The following PUDP variants were observed in gnomAD, a reference collection of about 807,000 sequenced individuals.
The protein encoded by PUDP is pseudouridine 5'-phosphatase.
PUDP carries 8 observed loss-of-function variants against 9.4 expected under a neutral mutation model. The ratio of observed to expected loss-of-function variants is 0.85; its 90% CI spans 0.50 to 1.53. The LOEUF (loss-of-function observed/expected upper bound fraction) is 1.53, where lower values mean the gene tolerates loss of function less well. Among genes scored for constraint, PUDP ranks in the 40% most tolerant of loss-of-function variants. The pLI, the probability that PUDP is intolerant of heterozygous loss-of-function variation, is 0.00. For synonymous variants in PUDP, 99 were observed against 80.7 expected (o/e 1.23, Z -1.22); for missense variants, 188 against 189.7 (o/e 0.99, Z 0.05).
intron 3 of PUDP, among the ~76,000 whole-genome samples, chrX:6,793,076 A>G (rs1925777836): frequency 8.9e-6 from 1 of 112,512 alleles, no homozygotes; most frequent in African/African-American, 3.2e-5. Flanking sequence ...GGAGGCTGGA[A>G]GACCAAGATT....
rs147951831 is a variant in PUDP at position 6,845,818 on chromosome X, T to C, written c.*247+131315A>G. The stretch of plus-strand genomic sequence containing the variant: ...GATATGAAAACTACGAGAAATACTA[T>C]AGAAGGGAGGGTTGCATTGTGAGGA... On this transcript the variant is annotated intron_variant and NMD_transcript_variant, in intron 3 of 3. Transcript: ENST00000655425. Among the ~76,000 whole-genome samples, 453 of 112,162 alleles carry C rather than the reference T, an allele frequency of 4.0e-3. 3 individuals are homozygous for C. The highest frequency in any genetic ancestry group is 0.014 in the African/African-American group (421 of 30,923).
rs189373330 is a variant in PUDP, at chrX:6,788,344, T to C, written c.*248-81878A>G. Among the ~76,000 whole-genome samples the C allele has an allele frequency of 3.6e-5, 4 of 112,124 alleles. No individual in the cohort carries two copies. In the East Asian group the frequency reaches 8.4e-4, roughly 24 times the overall value. ...GCTGAGCAATGTTTGGTAGGTTAGATGGATCCAATGCAGTCTCGACTCATG... is the reference window on the plus strand; with the variant it reads ...GCTGAGCAATGTTTGGTAGGTTAGACGGATCCAATGCAGTCTCGACTCATG... On this transcript the variant is annotated intron_variant and NMD_transcript_variant, in intron 3 of 3. Transcript: ENST00000655425.
At chrX:6,981,308 C>T (rs1929029248) in intron 1 of PUDP, among the ~76,000 whole-genome samples, 1 of 111,580 alleles carries the variant, frequency 9.0e-6, no homozygotes, top group African/African-American at 3.3e-5. Context: ...CTATGTTGTA[C>T]ATGTTTCTGT....
intron 1 of PUDP, among the ~76,000 whole-genome samples, chrX:6,979,053 A>G (rs1928995642): frequency 1.0e-5 from 1 of 96,261 alleles, no homozygotes; most frequent in African/African-American, 3.3e-5. Flanking sequence ...TTGTTTCTCG[A>G]TTAAAATTAT....
intron 3 of PUDP, among the ~76,000 whole-genome samples, chrX:6,839,922 A>C (rs1477387093): frequency 9.0e-6 from 1 of 110,869 alleles, no homozygotes; most frequent in Non-Finnish European, 1.9e-5. Flanking sequence ...ACACAAAAAA[A>C]CTGCACCTAG....
intron 1 of PUDP, among the ~76,000 whole-genome samples, chrX:6,983,862 A>AC (rs1345016261): frequency 8.9e-6 from 1 of 112,490 alleles, no homozygotes; most frequent in Non-Finnish European, 1.9e-5. Context: ...CATAGGGCGT[A>AC]CCCCAAGTAA....
intron 1 of PUDP, among the ~76,000 whole-genome samples, chrX:6,991,763 AACTT>A (rs1929182306): frequency 9.0e-6 from 1 of 110,937 alleles, no homozygotes; most frequent in Non-Finnish European, 1.9e-5. Context: ...TTTGTTTGAT[AACTT>A]AAAGAGAATC....
chrX:6,847,504 C>A (rs930560258), intron 3 of PUDP, among the ~76,000 whole-genome samples: 1 of 112,181 alleles, frequency 8.9e-6, no homozygotes, highest in Non-Finnish European at 1.9e-5. Context: ...TGAGCCAACA[C>A]AATCTTACTT....
intron 1 of PUDP, among the ~76,000 whole-genome samples, chrX:6,983,602 T>C (rs1202546954): frequency 8.9e-6 from 1 of 112,036 alleles, no homozygotes; most frequent in African/African-American, 3.2e-5. Flanking sequence ...TTTCATTTGT[T>C]TTACAAGAAC....
chrX:6,958,529 T>C (rs1210836949), intron 3 of PUDP, among the ~76,000 whole-genome samples: 1 of 111,155 alleles, frequency 9.0e-6, no homozygotes, highest in African/African-American at 3.3e-5. Flanking sequence ...AAGAGGAACC[T>C]CTACTTTACT....
intron 2 of PUDP, among the ~76,000 whole-genome samples, chrX:7,092,165 A>G (rs1022472273): frequency 8.9e-5 from 10 of 112,979 alleles, no homozygotes; most frequent in Non-Finnish European, 1.9e-4. Context: ...CATAATGCAA[A>G]TAAGAACAAC....
At chrX:6,953,061 TA>T (rs1388078720) in intron 3 of PUDP, among the ~76,000 whole-genome samples, 1 of 111,705 alleles carries the variant, frequency 9.0e-6, no homozygotes, top group Non-Finnish European at 1.9e-5. Context: ...CATATCATAT[TA>T]GGGGTTCACA....
downstream of PUDP, among the ~76,000 whole-genome samples, chrX:7,046,982 A>G (rs1929990657): frequency 8.9e-6 from 1 of 112,112 alleles, no homozygotes; most frequent in Non-Finnish European, 1.9e-5. Flanking sequence ...AGAATATCCA[A>G]TGCTTTAATA....
At chrX:6,931,495 A>G (rs1033362639) in intron 3 of PUDP, among the ~76,000 whole-genome samples, 1 of 112,058 alleles carries the variant, frequency 8.9e-6, no homozygotes, top group Non-Finnish European at 1.9e-5. Flanking sequence ...ATTTAAAAGC[A>G]AAAGCGTCTA....
intron 3 of PUDP, among the ~76,000 whole-genome samples, chrX:6,837,456 C>A (rs1926600013): frequency 8.9e-6 from 1 of 112,911 alleles, no homozygotes; most frequent in Non-Finnish European, 1.9e-5. Context: ...CTTGGGAAAT[C>A]TCAGAGAATG....
intron 1 of PUDP, among the ~76,000 whole-genome samples, chrX:6,998,143 C>G (rs1254806347): frequency 9.0e-6 from 1 of 111,544 alleles, no homozygotes; most frequent in African/African-American, 3.3e-5. Context: ...AGGGGTGTTT[C>G]TCAGGGTCCC....
intron 3 of PUDP, among the ~76,000 whole-genome samples, chrX:6,742,940 T>C (rs1324551895): frequency 1.8e-5 from 2 of 112,110 alleles, no homozygotes; most frequent in South Asian, 3.7e-4. Flanking sequence ...TATTCAAATA[T>C]AGTGTTTTCA....
intron 1 of PUDP, among the ~76,000 whole-genome samples, chrX:7,132,199 C>T (rs941505032): frequency 3.6e-5 from 4 of 111,208 alleles, no homozygotes; most frequent in Admixed American, 9.5e-5. Context: ...AAAAGTCAGT[C>T]GGGTTCATGA....
intron 1 of PUDP, among the ~76,000 whole-genome samples, chrX:7,000,139 AAGAGAG>A (rs10699067): frequency 9.6e-6 from 1 of 104,285 alleles, no homozygotes; most frequent in Non-Finnish European, 2.0e-5. Flanking sequence ...GAGAGAGGAA[AAGAGAG>A]AGAGAGAGAG....
Sources: gnomAD v4.1 joint callset for allele counts (sites outside exome capture counted in the v4.1 genomes callset) on GRCh38, gnomAD v4.1.1 for gene constraint, MANE v1.5 for transcripts, NCBI Gene and HGNC (gene_info 2026-07-23, HGNC 2026-07-21) for gene names.